Variants in NAAA observed in about 807,000 individuals in gnomAD.
NAAA encodes N-acylethanolamine-hydrolyzing acid amidase.
In NAAA, 39 loss-of-function variants were observed where a neutral mutation model predicts 44.8. The observed-to-expected ratio is 0.87, with a 90% confidence interval of 0.67 to 1.14. The LOEUF is 1.14. Among genes scored for constraint, NAAA ranks in the 50% most tolerant of loss-of-function variants. The probability of loss-of-function intolerance (pLI) is 0.00; values close to 1 mark genes in which losing one functional copy is unlikely to be tolerated. For synonymous variants in NAAA, 178 were observed against 191.3 expected (o/e 0.93, Z 0.58); for missense variants, 460 against 467.8 (o/e 0.98, Z 0.15).
intron 4 of NAAA, among the ~76,000 whole-genome samples, chr4:75,926,759 C>T (rs549428201): frequency 6.6e-6 from 1 of 152,172 alleles, no homozygotes; most frequent in African/African-American, 2.4e-5. Flanking sequence ...AATCCCAACA[C>T]TTTGGGAGGC....
intron 4 of NAAA, among the ~76,000 whole-genome samples, chr4:75,926,212 A>G (rs1194431890): frequency 6.6e-6 from 1 of 152,200 alleles, no homozygotes. Context: ...ATGGCAATAT[A>G]AGAAAAAAAT....
chr4:75,926,377 A>G (rs1726690679), intron 4 of NAAA, among the ~76,000 whole-genome samples: 1 of 151,930 alleles, frequency 6.6e-6, no homozygotes, highest in African/African-American at 2.4e-5. Context: ...CCTCGCCAAC[A>G]TGGTGAAACC....
chr4:75,932,081 T>C (rs377296331), intron 3 of NAAA, among the ~76,000 whole-genome samples: 3 of 152,178 alleles, frequency 2.0e-5, no homozygotes, highest in South Asian at 4.2e-4. Context: ...AATACAAAAT[T>C]AGCCGGGCGT....
chr4:75,920,409 G>T (rs1191126339), intron 7 of NAAA, among the ~76,000 whole-genome samples: 1 of 152,154 alleles, frequency 6.6e-6, no homozygotes, highest in African/African-American at 2.4e-5. Context: ...TTGCCTAGAA[G>T]ACCATGAACC....
intron 3 of NAAA, among the ~76,000 whole-genome samples, chr4:75,934,550 A>C (rs1727541457): frequency 6.7e-6 from 1 of 148,412 alleles, no homozygotes. Flanking sequence ...GCTGGTCTTG[A>C]ACTCCTGACC....
downstream of NAAA, among the ~76,000 whole-genome samples, chr4:75,911,101 A>G (rs979798430): frequency 1.3e-5 from 2 of 152,188 alleles, no homozygotes; most frequent in African/African-American, 4.8e-5. Context: ...GCGGGGGAAT[A>G]TCACAAAGTA....
At chr4:75,919,880 G>C (rs1725985815) in intron 8 of NAAA, 29 bp downstream of exon 8, 1 of 1,580,932 alleles carries the variant, frequency 6.3e-7, no homozygotes, top group Non-Finnish European at 8.7e-7. Context: ...AAACATCCTA[G>C]GTATGCAGGA....
intron 4 of NAAA, among the ~76,000 whole-genome samples, chr4:75,926,451 C>T (rs1726697392): frequency 6.7e-6 from 1 of 149,452 alleles, no homozygotes; most frequent in Non-Finnish European, 1.5e-5. Flanking sequence ...ATCCCAGCTA[C>T]TTGGGAGGCT....
At chr4:75,937,210 G>T (rs1368357219) in intron 2 of NAAA, among the ~76,000 whole-genome samples, 1 of 152,172 alleles carries the variant, frequency 6.6e-6, no homozygotes, top group Non-Finnish European at 1.5e-5. Context: ...CATGAGGTCA[G>T]GAGTTTGAGA....
At chr4:75,917,269 T>A (rs1044536776) in intron 9 of NAAA, among the ~76,000 whole-genome samples, 3 of 152,106 alleles carry the variant, frequency 2.0e-5, no homozygotes, top group African/African-American at 7.2e-5. Context: ...GCAGGAAGTG[T>A]ATGAGCCAAC....
In NAAA at chr4:75,931,871, A is replaced by G. The variant is rs1249570217; in HGVS notation, c.499-567T>C. Among the ~76,000 whole-genome samples the G allele has an allele frequency of 6.6e-5, 10 of 152,194 alleles. 1 individual carries two copies. The highest frequency in any genetic ancestry group is 1.5e-4 in the Non-Finnish European group (10 of 68,042). ...ATGTATTTATAAAACAGTATTCACC[A>G]AAGGGGTGCACAAAGCAGGTTAAGA... is the stretch of plus-strand genomic sequence containing the variant. On this transcript the variant is annotated intron_variant, in intron 3 of 10. Transcript: ENST00000286733.
rs138725752 is a variant in NAAA at position 75,935,995 on chromosome 4, A to AT, written c.498+113dup. On this transcript the variant is annotated intron_variant, in intron 3 of 10. Transcript: ENST00000286733. ...CTGGCTTTGTTTTTCCAGGGGTGTG[A>AT]TTTTTTTGTGTCTTACACTGATAAC... 3.8e-5 allele frequency: 50 copies of AT among 1,308,660 alleles called. No homozygotes were observed. In the Middle Eastern group the frequency reaches 5.6e-4, roughly 15 times the overall value. 81.1% of individuals were successfully genotyped at this position (1,308,660 alleles called of 1,614,324 possible).
intron 8 of NAAA, chr4:75,919,487 T>C (rs868408673): frequency 0.011 from 1,660 of 156,720 alleles, 22 homozygotes; most frequent in African/African-American, 0.037. Flanking sequence ...TGTCATATAA[T>C]TTTTTTTTTT....
rs1307811897 is a variant in NAAA, at chr4:75,931,306, T to C, written c.499-2A>G. On this transcript the variant is annotated splice_acceptor_variant, in intron 3 of 10. Coordinates refer to ENST00000286733, the MANE Select transcript of NAAA (RefSeq NM_014435.4). LOFTEE classifies it high-confidence loss of function. ...AAAAGTAGTTCCTGTGAATGCAATCTGAAATCAAGAGATAACATGGATCAT... is the reference window on the plus strand; with the variant it reads ...AAAAGTAGTTCCTGTGAATGCAATCCGAAATCAAGAGATAACATGGATCAT... 3 of 1,604,026 alleles carry C rather than the reference T, an allele frequency of 1.9e-6. No homozygotes were observed. The African/African-American group carries it at 4.0e-5, about 21-fold the overall frequency.
At chr4:75,924,339 G>A (rs185666166) in intron 5 of NAAA, among the ~76,000 whole-genome samples, 6 of 152,324 alleles carry the variant, frequency 3.9e-5, no homozygotes, top group Admixed American at 6.5e-5. Flanking sequence ...TTGAACACAA[G>A]CACTGAGATG....
downstream of NAAA, among the ~76,000 whole-genome samples, chr4:75,911,522 G>T (rs1035284326): frequency 1.3e-5 from 2 of 152,096 alleles, no homozygotes; most frequent in African/African-American, 2.4e-5. Flanking sequence ...AAGGAAGGGG[G>T]TTGCTGATTG....
Position 75,930,614 on chromosome 4 carries a change from C to T in NAAA, c.589+600G>A. ...AATGGTCTTCTGCTTCCATCTTAACCTAAAACAACCCAATCTCTACAGAGC... is the reference window on the plus strand; with the variant it reads ...AATGGTCTTCTGCTTCCATCTTAACTTAAAACAACCCAATCTCTACAGAGC... On this transcript the variant is annotated intron_variant, in intron 4 of 10. Transcript: ENST00000286733. 9 of 406,556 alleles carry T rather than the reference C, an allele frequency of 2.2e-5. 2 individuals are homozygous for T. Among genetic ancestry groups the T allele is most frequent in the South Asian group, 1.7e-4 (9 of 52,622 alleles). The allele number at this position is 406,556 out of a possible 1,614,324, so 25.2% of individuals were successfully genotyped here.
intron 4 of NAAA, among the ~76,000 whole-genome samples, chr4:75,927,170 T>C (rs1361125054): frequency 3.3e-5 from 5 of 151,930 alleles, no homozygotes; most frequent in Non-Finnish European, 7.4e-5. Context: ...ATGGCTACTA[T>C]TGGCCAGGTA....
chr4:75,936,469 C>T (rs952367008), intron 2 of NAAA, among the ~76,000 whole-genome samples: 3 of 152,156 alleles, frequency 2.0e-5, no homozygotes, highest in Admixed American at 1.3e-4. Context: ...ACCCTTAGCA[C>T]ACATGGAGGG....
Sources: allele counts gnomAD v4.1 joint callset (sites outside exome capture counted in the v4.1 genomes callset), GRCh38; gene constraint gnomAD v4.1.1; transcripts MANE v1.5; gene names NCBI Gene and HGNC (gene_info 2026-07-23, HGNC 2026-07-21).